The following MAP3K5 variants were observed in gnomAD, a reference collection of about 807,000 sequenced individuals.
MAP3K5 encodes mitogen-activated protein kinase kinase kinase 5.
Under a neutral mutation model 158.7 loss-of-function variants are expected in MAP3K5, and 56 were observed. The observed-to-expected ratio is 0.35, with a 90% confidence interval of 0.28 to 0.44. The LOEUF (loss-of-function observed/expected upper bound fraction) is 0.44. Ranked by LOEUF, MAP3K5 falls within the 20% of genes least tolerant of loss-of-function variation. The probability of loss-of-function intolerance (pLI) is 1.00; values close to 1 mark genes in which losing one functional copy is unlikely to be tolerated. For synonymous variants in MAP3K5, 579 were observed against 601.7 expected, an observed-to-expected ratio of 0.96 and a Z score of 0.55; for missense variants, 1,294 against 1,674.8, an observed-to-expected ratio of 0.77 and a Z score of 3.97.
chr6:136,655,260 A>G (rs982030239), intron 10 of MAP3K5, among the ~76,000 whole-genome samples: 2 of 152,194 alleles, frequency 1.3e-5, no homozygotes, highest in African/African-American at 4.8e-5. Context: ...ATTTACTGCT[A>G]CTGAGAGCAC....
chr6:136,752,477 T>A (rs1233545291), intron 1 of MAP3K5, among the ~76,000 whole-genome samples: 1 of 152,176 alleles, frequency 6.6e-6, no homozygotes, highest in Non-Finnish European at 1.5e-5. Context: ...AATGGCGTGA[T>A]CTTGGCTCAC....
At chr6:136,617,238 C>T (rs1562550615) in intron 15 of MAP3K5, among the ~76,000 whole-genome samples, 2 of 152,158 alleles carry the variant, frequency 1.3e-5, no homozygotes, top group African/African-American at 4.8e-5. Context: ...AGCATTTTCA[C>T]TAAGTGTAAG....
At chr6:136,733,634 A>AC (rs1782322296) in intron 1 of MAP3K5, among the ~76,000 whole-genome samples, 1 of 151,970 alleles carries the variant, frequency 6.6e-6, no homozygotes, top group African/African-American at 2.4e-5. Context: ...AACAAAAAAA[A>AC]CCTTTTTTTT....
intron 12 of MAP3K5, among the ~76,000 whole-genome samples, chr6:136,641,491 G>A (rs1265744142): frequency 6.6e-6 from 1 of 151,930 alleles, no homozygotes; most frequent in Non-Finnish European, 1.5e-5. Context: ...CTTAACCACT[G>A]ACTCTTGATT....
At chr6:136,622,085 CAAAAA>C (rs57596059) in intron 15 of MAP3K5, among the ~76,000 whole-genome samples, 1 of 94,850 alleles carries the variant, frequency 1.1e-5, no homozygotes. Context: ...GACTCCGTCT[CAAAAA>C]AAAAAAAAAA....
In MAP3K5 at chr6:136,605,315, T is replaced by A; in HGVS notation, c.2573A>T (p.Tyr858Phe). The change falls in exon 19 of 30, where the codon TAC becomes TTC. Residue 858 changes from tyrosine (Y) to phenylalanine (F), a missense_variant. This residue lies in a region of MAP3K5 where 362 missense variants were observed against 463.2 expected (regional missense o/e 0.78). Coordinates refer to ENST00000359015, the MANE Select transcript of MAP3K5 (RefSeq NM_005923.4). ...PEIIDKGPRG[Y>F]GKAADIWSLG... ...AGACCAGATGTCTGCTGCTTTTCCGTAGCCTCTTGGTCCTTTATCTATTAT... is the reference window on the plus strand; with the variant it reads ...AGACCAGATGTCTGCTGCTTTTCCGAAGCCTCTTGGTCCTTTATCTATTAT... The A allele has an allele frequency of 6.2e-7, 1 of 1,614,174 alleles. No homozygotes were observed. The highest frequency in any genetic ancestry group is 8.5e-7 in the Non-Finnish European group (1 of 1,179,990).
chr6:136,731,759 G>C (rs1782234173), intron 1 of MAP3K5, among the ~76,000 whole-genome samples: 1 of 152,152 alleles, frequency 6.6e-6, no homozygotes, highest in African/African-American at 2.4e-5. Context: ...TACAAGATGA[G>C]GAAATGGAGG....
At chr6:136,726,840 C>T (rs773299345) in intron 1 of MAP3K5, among the ~76,000 whole-genome samples, 1 of 152,026 alleles carries the variant, frequency 6.6e-6, no homozygotes, top group Admixed American at 6.6e-5. Context: ...TTTAACTGAA[C>T]TCAGTTATAA....
chr6:136,770,280 G>C (rs528011220), intron 1 of MAP3K5, among the ~76,000 whole-genome samples: 1 of 152,076 alleles, frequency 6.6e-6, no homozygotes, highest in Non-Finnish European at 1.5e-5. Context: ...AATACATACA[G>C]AACAGTGCAC....
At position 136,591,638 on chromosome 6, in the gene MAP3K5, C is replaced by T. The variant is rs1775391222; in HGVS notation, c.3225+535G>A. Among the ~76,000 whole-genome samples, 3 of 152,198 alleles carry T rather than the reference C, an allele frequency of 2.0e-5. No individual in the cohort carries two copies. The South Asian group carries it at 6.2e-4, about 31-fold the overall frequency. ...GGTTTGGTTATATGTAATTTTGCTT[C>T]AGTCACAGTTTCCAAGGACTTATCA... On this transcript the variant is annotated intron_variant, in intron 23 of 29. Transcript: ENST00000359015.
intron 7 of MAP3K5, among the ~76,000 whole-genome samples, chr6:136,689,140 A>T (rs1259869816): frequency 6.6e-6 from 1 of 152,164 alleles, no homozygotes; most frequent in East Asian, 1.9e-4. Flanking sequence ...TCTCTGCAAA[A>T]AATTCAAAAA....
intron 1 of MAP3K5, among the ~76,000 whole-genome samples, chr6:136,737,850 A>G (rs1782541762): frequency 6.6e-6 from 1 of 152,210 alleles, no homozygotes; most frequent in Admixed American, 6.5e-5. Context: ...AGCAGAGGAC[A>G]AGGAGTGGCT....
At chr6:136,742,562 T>C (rs1369226385) in intron 1 of MAP3K5, among the ~76,000 whole-genome samples, 2 of 152,030 alleles carry the variant, frequency 1.3e-5, no homozygotes, top group African/African-American at 4.8e-5. Context: ...GAAAATAACA[T>C]AGAAGAAAAT....
chr6:136,716,050 A>AAAAAAAAAAAAAAAAAAAAAAAT, intron 2 of MAP3K5, among the ~76,000 whole-genome samples: 1 of 141,594 alleles, frequency 7.1e-6, no homozygotes, highest in Non-Finnish European at 1.6e-5. Context: ...AAAAAAAAAA[A>AAAAAAAAAAAAAAAAAAAAAAAT]AAAAAAAAAA....
chr6:136,705,050 G>C (rs1464515923), intron 3 of MAP3K5, 60 bp downstream of exon 3: 9 of 793,650 alleles, frequency 1.1e-5, no homozygotes, highest in East Asian at 2.9e-5. Context: ...AAATACCAAA[G>C]ATTAGTTAAT....
At chr6:136,777,682 T>C (rs562390994) in intron 1 of MAP3K5, among the ~76,000 whole-genome samples, 1 of 152,350 alleles carries the variant, frequency 6.6e-6, no homozygotes, top group South Asian at 2.1e-4. Context: ...AGCCCAGATT[T>C]CTCCATTAGA....
intron 17 of MAP3K5, among the ~76,000 whole-genome samples, chr6:136,611,630 G>T (rs1776351308): frequency 6.6e-6 from 1 of 152,236 alleles, no homozygotes; most frequent in Non-Finnish European, 1.5e-5. Context: ...AATTATGACA[G>T]TAAAAGAGAT....
chr6:136,685,978 T>C (rs7761896), intron 7 of MAP3K5, among the ~76,000 whole-genome samples: 10,328 of 152,122 alleles, frequency 0.068, 611 homozygotes, highest in African/African-American at 0.17. Context: ...AAGACTATGT[T>C]TGCACTACAG....
At chr6:136,731,766 G>A (rs1415702297) in intron 1 of MAP3K5, among the ~76,000 whole-genome samples, 2 of 152,180 alleles carry the variant, frequency 1.3e-5, no homozygotes, top group Non-Finnish European at 2.9e-5. Flanking sequence ...TGAGGAAATG[G>A]AGGGAATGAG....
Sources: gnomAD v4.1 joint callset for allele counts (sites outside exome capture counted in the v4.1 genomes callset) on GRCh38, gnomAD v4.1.1 for gene constraint, gnomAD v4.1.1 regional missense constraint, MANE v1.5 for transcripts, NCBI Gene and HGNC (gene_info 2026-07-23, HGNC 2026-07-21) for gene names.